Variants in BEST1 observed in about 807,000 individuals in gnomAD.
BEST1 encodes bestrophin 1, also known as bestrophin-1.
In BEST1, 58 loss-of-function variants were observed where a neutral mutation model predicts 63.3. That is an observed-to-expected ratio of 0.92 (90% CI 0.74 to 1.14). The LOEUF (loss-of-function observed/expected upper bound fraction) is 1.14. Among genes scored for constraint, BEST1 ranks in the 50% most tolerant of loss-of-function variants. The pLI, the probability that BEST1 is intolerant of heterozygous loss-of-function variation, is 0.00. For synonymous variants in BEST1, 283 were observed against 291.6 expected (o/e 0.97, Z 0.30); for missense variants, 671 against 740.1 (o/e 0.91, Z 1.08).
At position 61,950,701 on chromosome 11, in the gene BEST1, G is replaced by A. The variant is rs77651946; in HGVS notation, c.-37+274G>A. On this transcript the variant is annotated intron_variant, in intron 1 of 10. Transcript: ENST00000378043. ...TAAATTTTTATTGAGCGCCTTCTACGAGAACACAAGAGGAGCTTCCATTCT... is the reference window on the plus strand; with the variant it reads ...TAAATTTTTATTGAGCGCCTTCTACAAGAACACAAGAGGAGCTTCCATTCT... Among the ~76,000 whole-genome samples the A allele has an allele frequency of 0.017, 2,642 of 152,278 alleles. 103 individuals are homozygous for A. Among genetic ancestry groups the A allele is most frequent in the Admixed American group, 0.1 (1,529 of 15,286 alleles).
intron 10 of BEST1, chr11:61,963,200 C>CA (rs1942262991): frequency 7.0e-7 from 1 of 1,429,994 alleles, no homozygotes; most frequent in Non-Finnish European, 9.2e-7. Context: ...GCTGACAGGC[C>CA]AGGCTTAGCT....
intron 7 of BEST1, chr11:61,958,584 A>C: frequency 9.6e-6 from 7 of 731,708 alleles, no homozygotes; most frequent in Non-Finnish European, 1.1e-5. Context: ...CAACAAAACA[A>C]AGCCCTAAGG....
chr11:61,952,445 C>A (rs970831003), intron 2 of BEST1, among the ~76,000 whole-genome samples: 1 of 148,512 alleles, frequency 6.7e-6, no homozygotes, highest in South Asian at 2.1e-4. Flanking sequence ...CTGCACTTGA[C>A]CAACCACATG....
intron 9 of BEST1, chr11:61,961,801 C>T (rs756714523): frequency 9.9e-6 from 2 of 202,188 alleles, no homozygotes; most frequent in East Asian, 1.2e-4. Flanking sequence ...CTGGGGCTCC[C>T]GGGATGCCTG....
Position 61,955,220 on chromosome 11 carries a change from C to G in BEST1, c.247+19C>G. ...GTGCTGGGTGAGTTCCCCCTTCTGGCTGTTCCGGGTCCCTGTGGCCGCCCA... is the reference window on the plus strand; with the variant it reads ...GTGCTGGGTGAGTTCCCCCTTCTGGGTGTTCCGGGTCCCTGTGGCCGCCCA... On this transcript the variant is annotated intron_variant, in intron 3 of 10. Transcript: ENST00000378043. The G allele has an allele frequency of 6.2e-7, 1 of 1,611,550 alleles. No homozygotes were observed. The highest frequency in any genetic ancestry group is 8.5e-7 in the Non-Finnish European group (1 of 1,178,668).
Position 61,962,240 on chromosome 11 carries a change from C to A in BEST1, c.1101-15C>A. On this transcript the variant is annotated splice_polypyrimidine_tract_variant and intron_variant, in intron 9 of 10. Coordinates refer to ENST00000378043, the MANE Select transcript of BEST1 (RefSeq NM_004183.4). ...TGTCCACTGGCTCAGCCCTGCATCT[C>A]CTGTTTCTTTCCAGCCTGAACAAAG... The A allele has an allele frequency of 6.2e-7, 1 of 1,613,548 alleles. No individual in the cohort carries two copies. The highest frequency in any genetic ancestry group is 8.5e-7 in the Non-Finnish European group (1 of 1,179,900).
chr11:61,956,732 G>A, intron 4 of BEST1, 112 bp from the exon 5 acceptor site: 1 of 1,393,298 alleles, frequency 7.2e-7, no homozygotes, highest in South Asian at 1.2e-5. Flanking sequence ...TTTTTTTGTT[G>A]TTGAAAGAAA....
Position 61,957,378 on chromosome 11 carries a change from G to T in BEST1, c.637-9G>T, listed in dbSNP as rs562827902. The T allele has an allele frequency of 2.5e-6, 4 of 1,613,688 alleles. No homozygotes were observed. Among genetic ancestry groups the T allele is most frequent in the Non-Finnish European group, 3.4e-6 (4 of 1,179,626 alleles). On this transcript the variant is annotated splice_polypyrimidine_tract_variant and intron_variant, in intron 5 of 10. Coordinates refer to ENST00000378043, the MANE Select transcript of BEST1 (RefSeq NM_004183.4). ...GTTCAGAACCCCATCCCCCTCTTCT[G>T]CCCCCCAGGAGATGAACACCTTGCG...
intron 2 of BEST1, among the ~76,000 whole-genome samples, chr11:61,954,532 G>A (rs1941063614): frequency 6.6e-6 from 1 of 152,074 alleles, no homozygotes; most frequent in African/African-American, 2.4e-5. Context: ...GAAGTGCAAT[G>A]GCAATCACAG....
At chr11:61,953,877 C>A (rs1403950026) in intron 2 of BEST1, among the ~76,000 whole-genome samples, 1 of 144,388 alleles carries the variant, frequency 6.9e-6, no homozygotes, top group Non-Finnish European at 1.5e-5. Flanking sequence ...CAGAGCAAGA[C>A]CCTATCTCAA....
Position 61,958,267 on chromosome 11 carries a change from T to C in BEST1, c.836T>C (p.Leu279Pro), listed in dbSNP as rs1249645656. 1 of 1,614,242 alleles carries C rather than the reference T, an allele frequency of 6.2e-7. No homozygotes were observed. The highest frequency in any genetic ancestry group is 1.1e-5 in the South Asian group (1 of 91,090). Residue 279 changes from leucine to proline, a missense_variant, in exon 7 of 11, where the codon CTG (leucine) becomes CCG (proline). Leu to Pro is a moderately conservative substitution (Grantham distance 98). Coordinates refer to ENST00000378043, the MANE Select transcript of BEST1 (RefSeq NM_004183.4). ...CTCGTTGTGCCCGTCTTCACGTTCC[T>C]GCAGTTCTTCTTCTATGTTGGCTGG... ...LDLVVPVFTF[L>P]QFFFYVGWLK...
downstream of BEST1, chr11:61,965,471 G>A (rs750410698): frequency 1.2e-6 from 2 of 1,607,890 alleles, no homozygotes; most frequent in South Asian, 2.2e-5. Context: ...GAAAGTATTT[G>A]GCAAAGTTCT....
At chr11:61,958,609 C>A in intron 7 of BEST1, 1 of 647,328 alleles carries the variant, frequency 1.5e-6, no homozygotes, top group Non-Finnish European at 2.7e-6. Flanking sequence ...GAAGCCCCTG[C>A]CCTTTAGAAG....
At chr11:61,955,226 C>T (rs200095812) in intron 3 of BEST1, 25 bp downstream of exon 3, 24 of 1,510,448 alleles carry the variant, frequency 1.6e-5, no homozygotes, top group East Asian at 5.5e-5. Flanking sequence ...CTGGCTGTTC[C>T]GGGTCCCTGT....
In BEST1 at chr11:61,964,281, C is replaced by A. The variant is rs1003731349; in HGVS notation, c.*159C>A. 2 of 1,392,464 alleles carry A rather than the reference C, an allele frequency of 1.4e-6. No homozygotes were observed. Among genetic ancestry groups the A allele is most frequent in the Admixed American group, 2.3e-5 (1 of 43,580 alleles). 86.3% of individuals were successfully genotyped at this position (1,392,464 alleles called of 1,614,324 possible). On this transcript the variant is annotated 3_prime_UTR_variant, in exon 11 of 11. Transcript: ENST00000378043. The stretch of plus-strand genomic sequence containing the variant: ...TAGCTTAATAGATAAAAATCCCAGA[C>A]TACTTCAGCCTTTAATGCCTTTTAT...
In BEST1 at chr11:61,957,538, G is replaced by T. The variant is rs184104099; in HGVS notation, c.714+74G>T. 5,390 of 1,446,074 alleles carry T rather than the reference G, an allele frequency of 3.7e-3. 28 individuals carry two copies. Among genetic ancestry groups the T allele is most frequent in the South Asian group, 4.4e-3 (387 of 87,580 alleles). The allele number at this position is 1,446,074 out of a possible 1,614,324, so 89.6% of individuals were successfully genotyped here. ...AGGACCAAGGAAGCAGCTGGGGTGG[G>T]AAGGGCTCACCTAGAGGCTAAGTGG... On this transcript the variant is annotated intron_variant, in intron 6 of 10. Transcript: ENST00000378043.
Position 61,962,536 on chromosome 11 carries a change from G to A in BEST1, c.1382G>A (p.Arg461Lys). 1 of 1,614,166 alleles carries A rather than the reference G, an allele frequency of 6.2e-7. No homozygotes were observed. The highest frequency in any genetic ancestry group is 8.5e-7 in the Non-Finnish European group (1 of 1,180,026). ...DAFKSAPLYQRPGYYSAPQTP... is the reference protein window; with the variant it reads ...DAFKSAPLYQKPGYYSAPQTP... Reference sequence around the variant, plus strand: ...TTCAAGTCTGCCCCACTGTATCAGAGGCCAGGCTACTACAGTGCCCCACAG... The same window carrying A: ...TTCAAGTCTGCCCCACTGTATCAGAAGCCAGGCTACTACAGTGCCCCACAG... Residue 461 changes from arginine to lysine, a missense_variant, in exon 10 of 11, where the codon AGG becomes AAG. By Grantham distance (26) the Arg-to-Lys change is conservative (BLOSUM62 2). Coordinates refer to ENST00000378043, the MANE Select transcript of BEST1 (RefSeq NM_004183.4).
At position 61,962,417 on chromosome 11, in the gene BEST1, C is replaced by G; in HGVS notation, c.1263C>G (p.Leu421=). 6.2e-7 allele frequency: 1 copy of G among 1,614,192 alleles called. No individual in the cohort carries two copies. Among genetic ancestry groups the G allele is most frequent in the Non-Finnish European group, 8.5e-7 (1 of 1,180,040 alleles). ...TGTGGCCCAAGAGGGAATCCCTTCT[C>G]CACGAGGGCCTGCCCAAAAACCACA... ...KLLWPKRESL[L]HEGLPKNHKA... Residue 421 remains leucine (L), a synonymous_variant, in exon 10 of 11, where the codon CTC becomes CTG. Transcript: ENST00000378043.
Position 61,958,257 on chromosome 11 carries a change from T to C in BEST1, c.826T>C (p.Phe276Leu). The change falls in exon 7 of 11, where the codon TTC (phenylalanine) becomes CTC (leucine). Residue 276 changes from phenylalanine (F) to leucine (L), a missense_variant. Physicochemically the swap from Phe to Leu is conservative, Grantham distance 22. Coordinates refer to ENST00000378043, the MANE Select transcript of BEST1 (RefSeq NM_004183.4). Reference protein sequence around the residue: ...GHELDLVVPVFTFLQFFFYVG... With the variant: ...GHELDLVVPVLTFLQFFFYVG... ...TGAGCTGGACCTCGTTGTGCCCGTC[T>C]TCACGTTCCTGCAGTTCTTCTTCTA... is the stretch of plus-strand genomic sequence containing the variant. The C allele has an allele frequency of 4.3e-6, 7 of 1,614,240 alleles. No individual in the cohort carries two copies. Among genetic ancestry groups the C allele is most frequent in the Non-Finnish European group, 5.9e-6 (7 of 1,180,038 alleles).
Sources: allele counts gnomAD v4.1 joint callset (sites outside exome capture counted in the v4.1 genomes callset), GRCh38; gene constraint gnomAD v4.1.1; transcripts MANE v1.5; gene names NCBI Gene and HGNC (gene_info 2026-07-23, HGNC 2026-07-21).